Variants in CEP112 observed in about 807,000 individuals in gnomAD.
The protein encoded by CEP112 is centrosomal protein of 112 kDa.
CEP112 carries 127 observed loss-of-function variants against 153.0 expected under a neutral mutation model. The ratio of observed to expected loss-of-function variants is 0.83; its 90% confidence interval spans 0.72 to 0.96. The LOEUF is 0.96. CEP112 is among the 40% of genes least tolerant of loss of function. The pLI is 0.00. For synonymous variants in CEP112, 358 were observed against 374.4 expected (o/e 0.96, Z 0.51); for missense variants, 1,089 against 1,101.2 (o/e 0.99, Z 0.16).
intron 4 of CEP112, among the ~76,000 whole-genome samples, chr17:66,155,520 T>C (rs2071401353): frequency 1.3e-5 from 2 of 150,402 alleles, no homozygotes; most frequent in African/African-American, 2.4e-5. Context: ...CATACCCCAG[T>C]GGCACCTGGA....
At chr17:66,000,955 G>A (rs956247200) in intron 17 of CEP112, among the ~76,000 whole-genome samples, 6 of 152,208 alleles carry the variant, frequency 3.9e-5, no homozygotes, top group Non-Finnish European at 5.9e-5. Flanking sequence ...TTTCTGAAAC[G>A]GAAGGCTAGA....
At chr17:65,679,129 CTTTTTTTTTTTTT>C (rs57907674) in intron 24 of CEP112, among the ~76,000 whole-genome samples, 314 of 31,408 alleles carry the variant, frequency 1.0e-2, no homozygotes, top group Non-Finnish European at 0.011. Flanking sequence ...GTGGTTCAAG[CTTTTTTTTTTTTT>C]TTTTTTTTTT....
chr17:65,673,607 A>G (rs966216984), intron 24 of CEP112, among the ~76,000 whole-genome samples: 2 of 152,174 alleles, frequency 1.3e-5, no homozygotes, highest in African/African-American at 4.8e-5. Flanking sequence ...CCCACATAAC[A>G]TAACAAATTT....
chr17:65,820,033 G>A (rs956051673), intron 21 of CEP112, among the ~76,000 whole-genome samples: 5 of 152,060 alleles, frequency 3.3e-5, no homozygotes, highest in Non-Finnish European at 7.4e-5. Flanking sequence ...GAAGCTGGGT[G>A]AAGGACATAT....
intron 21 of CEP112, among the ~76,000 whole-genome samples, chr17:65,788,454 ATT>A (rs2054400804): frequency 6.6e-6 from 1 of 152,054 alleles, no homozygotes; most frequent in African/African-American, 2.4e-5. Context: ...CCTGTCACAG[ATT>A]TTGTTTATTA....
intron 6 of CEP112, among the ~76,000 whole-genome samples, chr17:66,105,288 CA>C (rs2068737073): frequency 6.6e-6 from 1 of 151,346 alleles, no homozygotes; most frequent in South Asian, 2.1e-4. Flanking sequence ...AACAAATGCA[CA>C]AAAAATAAAA....
intron 18 of CEP112, among the ~76,000 whole-genome samples, chr17:65,938,451 A>G (rs1420435279): frequency 1.3e-5 from 2 of 151,876 alleles, no homozygotes; most frequent in African/African-American, 2.4e-5. Context: ...AAAAAATACC[A>G]TAACATAATA....
chr17:65,957,516 T>C (rs1432568245), intron 18 of CEP112, among the ~76,000 whole-genome samples: 1 of 152,160 alleles, frequency 6.6e-6, no homozygotes, highest in African/African-American at 2.4e-5. Flanking sequence ...AATCCTACTT[T>C]CCTTTTTTTC....
At chr17:66,120,607 G>T (rs1381483080) in intron 6 of CEP112, among the ~76,000 whole-genome samples, 4 of 152,132 alleles carry the variant, frequency 2.6e-5, no homozygotes, top group African/African-American at 9.7e-5. Flanking sequence ...GTTGCTCAAG[G>T]ACTTTTTCCC....
At chr17:65,754,146 G>A (rs2052067483) in intron 21 of CEP112, among the ~76,000 whole-genome samples, 1 of 152,190 alleles carries the variant, frequency 6.6e-6, no homozygotes, top group African/African-American at 2.4e-5. Flanking sequence ...AAGTTAGGGG[G>A]TACTTTATAA....
At chr17:66,041,194 G>A (rs1212862801) in intron 12 of CEP112, among the ~76,000 whole-genome samples, 1 of 151,382 alleles carries the variant, frequency 6.6e-6, no homozygotes, top group African/African-American at 2.4e-5. Flanking sequence ...AATGATTTTA[G>A]AATTATTATA....
chr17:65,947,154 G>A (rs2061675299), intron 18 of CEP112, among the ~76,000 whole-genome samples: 1 of 152,076 alleles, frequency 6.6e-6, no homozygotes, highest in South Asian at 2.1e-4. Context: ...ATGTCACAAT[G>A]CAGATATGTG....
At position 66,069,944 on chromosome 17, in the gene CEP112, G is replaced by A; in HGVS notation, c.826C>T (p.Gln276Ter). ...TGAACATCAGCATCATGTTTCTGTT[G>A]CAGTTTAAGCTTTTCTTCATGAAAT... ...AKFHEEKLKL[Q>*]QKHDADVQKI... Residue 276 changes from glutamine to a stop codon, truncating the protein, a stop_gained, in exon 9 of 27, where the codon CAA (glutamine) becomes TAA (stop). Transcript: ENST00000535342. LOFTEE classifies it high-confidence loss of function. The A allele has an allele frequency of 6.2e-7, 1 of 1,605,158 alleles. No homozygotes were observed.
chr17:65,914,583 A>C (rs902807801), intron 19 of CEP112, among the ~76,000 whole-genome samples: 1 of 152,086 alleles, frequency 6.6e-6, no homozygotes, highest in Non-Finnish European at 1.5e-5. Context: ...GCTTGAACGC[A>C]TGGCTGGCCT....
chr17:65,912,619 A>G (rs1209424199), intron 19 of CEP112, among the ~76,000 whole-genome samples: 2 of 152,248 alleles, frequency 1.3e-5, no homozygotes, highest in Non-Finnish European at 2.9e-5. Flanking sequence ...TGGCTGAAGT[A>G]GCATGGAAGT....
At chr17:65,691,898 G>T (rs2048121343) in intron 23 of CEP112, among the ~76,000 whole-genome samples, 4 of 152,138 alleles carry the variant, frequency 2.6e-5, no homozygotes, top group Admixed American at 2.6e-4. Flanking sequence ...TGATTATGTT[G>T]TTCCCTGACT....
At chr17:65,914,208 T>C (rs554327660) in intron 19 of CEP112, among the ~76,000 whole-genome samples, 1 of 151,414 alleles carries the variant, frequency 6.6e-6, no homozygotes, top group South Asian at 2.1e-4. Context: ...TTCATTTTAC[T>C]TTATGTGTTT....
At chr17:65,807,285 G>A (rs927597267) in intron 21 of CEP112, among the ~76,000 whole-genome samples, 1 of 152,174 alleles carries the variant, frequency 6.6e-6, no homozygotes, top group African/African-American at 2.4e-5. Flanking sequence ...TTCTAAAAGT[G>A]TATGCTCATA....
chr17:65,827,165 C>G (rs887957463), intron 21 of CEP112, among the ~76,000 whole-genome samples: 1 of 152,220 alleles, frequency 6.6e-6, no homozygotes, highest in Non-Finnish European at 1.5e-5. Context: ...CAGCCACAGA[C>G]TGAAGGCTGC....
Sources: gnomAD v4.1 joint callset for allele counts (sites outside exome capture counted in the v4.1 genomes callset) on GRCh38, gnomAD v4.1.1 for gene constraint, MANE v1.5 for transcripts, NCBI Gene and HGNC (gene_info 2026-07-23, HGNC 2026-07-21) for gene names.